ADCY1: variants seen among roughly 807,000 people sequenced by gnomAD.
ADCY1 encodes adenylate cyclase 1, also known as adenylate cyclase type 1.
A neutral mutation model predicts 105.4 loss-of-function variants in ADCY1; 28 were observed. The observed-to-expected ratio is 0.27, with a 90% confidence interval of 0.20 to 0.36. The LOEUF (loss-of-function observed/expected upper bound fraction) is 0.36, where lower values mean the gene tolerates loss of function less well. Among genes scored for constraint, ADCY1 ranks in the 10% least tolerant of loss-of-function variants. The pLI, the probability that ADCY1 is intolerant of heterozygous loss-of-function variation, is 1.00. For missense variants in ADCY1, 977 were observed against 1,434.2 expected, an observed-to-expected ratio of 0.68 and a Z score of 5.15; for synonymous variants, 655 against 623.8, an observed-to-expected ratio of 1.05 and a Z score of -0.75.
intron 4 of ADCY1, among the ~76,000 whole-genome samples, chr7:45,625,710 A>G (rs1423904796): frequency 7.9e-6 from 1 of 125,902 alleles, no homozygotes; most frequent in Non-Finnish European, 1.8e-5. Flanking sequence ...GCATCTGTAT[A>G]TGCATGTATG....
intron 8 of ADCY1, among the ~76,000 whole-genome samples, chr7:45,670,087 T>C (rs1438918294): frequency 6.6e-6 from 1 of 152,134 alleles, no homozygotes; most frequent in African/African-American, 2.4e-5. Flanking sequence ...GAAAATACTC[T>C]TGAGTAGGTA....
chr7:45,584,400 A>C (rs533768018), intron 1 of ADCY1, among the ~76,000 whole-genome samples: 1 of 152,338 alleles, frequency 6.6e-6, no homozygotes. Context: ...GGCCCAAGGC[A>C]TCACATGTCC....
chr7:45,624,411 G>C (rs1333410758), intron 4 of ADCY1, among the ~76,000 whole-genome samples: 3 of 152,124 alleles, frequency 2.0e-5, no homozygotes, highest in African/African-American at 7.2e-5. Context: ...TCCCTGTGGG[G>C]AAGAAAAGGT....
At chr7:45,583,855 G>A (rs112316884) in intron 1 of ADCY1, among the ~76,000 whole-genome samples, 4,552 of 150,886 alleles carry the variant, frequency 0.03, 93 homozygotes, top group African/African-American at 0.055. Flanking sequence ...CGTCAGGCTG[G>A]TCTCGAACTC....
chr7:45,712,284 T>C (rs1409498250), intron 19 of ADCY1, among the ~76,000 whole-genome samples: 2 of 148,406 alleles, frequency 1.3e-5, no homozygotes, highest in Non-Finnish European at 3.0e-5. Flanking sequence ...TTTTTTACAA[T>C]GACTGTATCC....
chr7:45,621,892 A>T (rs999062610), intron 3 of ADCY1, among the ~76,000 whole-genome samples: 1 of 152,114 alleles, frequency 6.6e-6, no homozygotes, highest in African/African-American at 2.4e-5. Flanking sequence ...TATATAATTA[A>T]TTTTTTTCTA....
intron 3 of ADCY1, among the ~76,000 whole-genome samples, chr7:45,622,028 C>T (rs1191461279): frequency 6.6e-6 from 1 of 152,110 alleles, no homozygotes; most frequent in Non-Finnish European, 1.5e-5. Context: ...TTAGGGCTGC[C>T]CCCAGTGCTG....
chr7:45,610,960 A>AGGTGATGGTGGAGGTGTG (rs1793563400), intron 3 of ADCY1, among the ~76,000 whole-genome samples: 1 of 115,468 alleles, frequency 8.7e-6, no homozygotes, highest in Non-Finnish European at 1.9e-5. Flanking sequence ...GTGGAGGTGT[A>AGGTGATGGTGGAGGTGTG]GAGGTGATGG....
intron 4 of ADCY1, among the ~76,000 whole-genome samples, chr7:45,642,278 A>G (rs2116031637): frequency 6.6e-6 from 1 of 152,252 alleles, no homozygotes; most frequent in East Asian, 1.9e-4. Flanking sequence ...AGTTTGAATA[A>G]TGTGCATGGG....
intron 4 of ADCY1, among the ~76,000 whole-genome samples, chr7:45,624,718 G>A (rs961274955): frequency 6.6e-6 from 1 of 152,100 alleles, no homozygotes; most frequent in Non-Finnish European, 1.5e-5. Flanking sequence ...CTTGTCCCCT[G>A]GACTGTGCAG....
At chr7:45,685,444 GAGTTTGTA>G (rs1784652821) in intron 12 of ADCY1, among the ~76,000 whole-genome samples, 1 of 151,736 alleles carries the variant, frequency 6.6e-6, no homozygotes, top group Admixed American at 6.6e-5. Flanking sequence ...TAACAGGATG[GAGTTTGTA>G]GTGGGAGTAA....
At chr7:45,664,036 TG>T (rs959709405) in intron 8 of ADCY1, among the ~76,000 whole-genome samples, 1 of 152,070 alleles carries the variant, frequency 6.6e-6, no homozygotes, top group Non-Finnish European at 1.5e-5. Flanking sequence ...AAGGGGATTG[TG>T]GCCAACTGAC....
chr7:45,596,779 G>A (rs966326130), intron 2 of ADCY1, among the ~76,000 whole-genome samples: 17 of 152,226 alleles, frequency 1.1e-4, no homozygotes, highest in Admixed American at 5.2e-4. Context: ...GGCTTGACCG[G>A]TAGAGAGTGG....
At position 45,623,374 on chromosome 7, in the gene ADCY1, G is replaced by T. The variant is rs551305966; in HGVS notation, c.1020+631G>T. ...CATGTTAGGAAGCAAAGATGAGCAA[G>T]CTAGCCAAACCTCCTTGTACAGAGG... On this transcript the variant is annotated intron_variant, in intron 4 of 19. Coordinates refer to ENST00000297323, the MANE Select transcript of ADCY1 (RefSeq NM_021116.4). Among the ~76,000 whole-genome samples the T allele has an allele frequency of 2.7e-3, 406 of 152,330 alleles. 1 individual carries two copies. Among genetic ancestry groups the T allele is most frequent in the Middle Eastern group, 0.017 (5 of 294 alleles).
chr7:45,713,612 G>T lies in ADCY1; in HGVS notation c.3058-81G>T. On this transcript the variant is annotated intron_variant, in intron 19 of 19. Coordinates refer to ENST00000297323, the MANE Select transcript of ADCY1 (RefSeq NM_021116.4). ...GCAGTCAGGGTGGACAGCAACAGAT[G>T]CAGGATGGAGTGTTTTGGTCTCTTC... 4.2e-6 allele frequency: 3 copies of T among 712,938 alleles called. No homozygotes were observed. The South Asian group carries it at 4.8e-5, about 11-fold the overall frequency. The allele number at this position is 712,938 out of a possible 1,614,324, so 44.2% of individuals were successfully genotyped here.
chr7:45,640,258 AG>A (rs1342374134), intron 4 of ADCY1, among the ~76,000 whole-genome samples: 5 of 152,224 alleles, frequency 3.3e-5, no homozygotes, highest in Non-Finnish European at 7.3e-5. Context: ...CTTCATTTGC[AG>A]GGTGCCAAGC....
At chr7:45,598,243 G>A (rs1397483893) in intron 2 of ADCY1, among the ~76,000 whole-genome samples, 1 of 152,220 alleles carries the variant, frequency 6.6e-6, no homozygotes, top group Admixed American at 6.5e-5. Flanking sequence ...GAGCCAGGGT[G>A]AGCCCGGGAT....
Position 45,721,803 on chromosome 7 carries a change from TG to T in ADCY1, c.*7811del, listed in dbSNP as rs1345685936. The T allele has an allele frequency of 1.0e-5, 4 of 398,504 alleles. No individual in the cohort carries two copies. The highest frequency in any genetic ancestry group is 4.4e-5 in the Admixed American group (1 of 22,706). The allele number at this position is 398,504 out of a possible 1,614,324, so 24.7% of individuals were successfully genotyped here. On this transcript the variant is annotated 3_prime_UTR_variant, in exon 20 of 20. Transcript: ENST00000297323. ...GAGCACATGTGCTCTGACCCTCTCC[TG>T]GGCATTGGTTCCTGCTGGTACCGGG...
intron 3 of ADCY1, among the ~76,000 whole-genome samples, chr7:45,610,798 GGGGAGGTGATGGTGGAGGTA>G (rs1793536734): frequency 6.7e-6 from 1 of 148,592 alleles, no homozygotes; most frequent in African/African-American, 2.5e-5. Flanking sequence ...TGGTGGAGGT[GGGGAGGTGATGGTGGAGGTA>G]TGGAGGTGAT....
Sources: gnomAD v4.1 joint callset for allele counts (sites outside exome capture counted in the v4.1 genomes callset) on GRCh38, gnomAD v4.1.1 for gene constraint, MANE v1.5 for transcripts, NCBI Gene and HGNC (gene_info 2026-07-23, HGNC 2026-07-21) for gene names.